Variants in IQCM observed in about 807,000 individuals in gnomAD.
IQCM encodes IQ domain-containing protein M.
In IQCM, 45 loss-of-function variants were observed where a neutral mutation model predicts 57.6. The ratio of observed to expected loss-of-function variants is 0.78; its 90% CI spans 0.62 to 1.00. The LOEUF is 1.00. Ranked by LOEUF, IQCM falls within the 50% of genes least tolerant of loss-of-function variation. The pLI, the probability that IQCM is intolerant of heterozygous loss-of-function variation, is 0.00. For missense variants in IQCM, 468 were observed against 511.6 expected (o/e 0.91, Z 0.82); for synonymous variants, 148 against 158.9 (o/e 0.93, Z 0.51).
At chr4:149,378,131 A>T (rs1730820484) in intron 13 of IQCM, among the ~76,000 whole-genome samples, 1 of 152,128 alleles carries the variant, frequency 6.6e-6, no homozygotes, top group Non-Finnish European at 1.5e-5. Flanking sequence ...TGTGCCTTTC[A>T]TCTTCTGTCA....
intron 7 of IQCM, among the ~76,000 whole-genome samples, chr4:149,647,962 T>G (rs1758793362): frequency 6.6e-6 from 1 of 152,206 alleles, no homozygotes; most frequent in South Asian, 2.1e-4. Context: ...CTGTGTTGCA[T>G]TCTGGATAAT....
At chr4:149,406,825 C>T (rs530754236) in intron 13 of IQCM, among the ~76,000 whole-genome samples, 121 of 152,198 alleles carry the variant, frequency 8.0e-4, no homozygotes, top group South Asian at 2.7e-3. Flanking sequence ...TCTGTTTTCA[C>T]GCTGCTGATA....
chr4:149,590,181 C>G (rs1752995613), intron 8 of IQCM, among the ~76,000 whole-genome samples: 1 of 151,124 alleles, frequency 6.6e-6, no homozygotes, highest in African/African-American at 2.4e-5. Context: ...AACTTCACTG[C>G]CTTTGCAACC....
intron 2 of IQCM, among the ~76,000 whole-genome samples, chr4:149,764,828 G>T (rs181869667): frequency 3.3e-5 from 5 of 152,168 alleles, no homozygotes; most frequent in South Asian, 2.1e-4. Context: ...CTCTGGTCAG[G>T]TATGGTATGG....
intron 13 of IQCM, among the ~76,000 whole-genome samples, chr4:149,385,601 T>A (rs1731370647): frequency 6.6e-6 from 1 of 152,118 alleles, no homozygotes; most frequent in African/African-American, 2.4e-5. Context: ...GACAAATCTA[T>A]CATGCTTGAC....
chr4:149,503,283 C>G (rs906381454), intron 12 of IQCM, among the ~76,000 whole-genome samples: 4 of 151,988 alleles, frequency 2.6e-5, no homozygotes, highest in Admixed American at 2.6e-4. Context: ...CTTTTCTGAC[C>G]TATAGAAATG....
intron 9 of IQCM, among the ~76,000 whole-genome samples, chr4:149,576,622 C>T (rs1385906276): frequency 6.6e-6 from 1 of 151,936 alleles, no homozygotes; most frequent in Non-Finnish European, 1.5e-5. Flanking sequence ...ATATGTACCA[C>T]ATTTTCTTTA....
At chr4:149,667,701 G>A (rs937076329) in intron 7 of IQCM, among the ~76,000 whole-genome samples, 1 of 151,976 alleles carries the variant, frequency 6.6e-6, no homozygotes, top group Admixed American at 6.6e-5. Flanking sequence ...TACAGGAATT[G>A]CTAACTAGTA....
At chr4:149,361,291 G>T (rs1336253709) in intron 13 of IQCM, among the ~76,000 whole-genome samples, 1 of 152,170 alleles carries the variant, frequency 6.6e-6, no homozygotes, top group Non-Finnish European at 1.5e-5. Context: ...GCCTGAGTAT[G>T]CAATAGAAAA....
At chr4:149,451,925 A>G (rs1158556697) in intron 12 of IQCM, among the ~76,000 whole-genome samples, 1 of 151,756 alleles carries the variant, frequency 6.6e-6, no homozygotes, top group Non-Finnish European at 1.5e-5. Context: ...AAGCAATAAA[A>G]CTGTCTTTAC....
In IQCM at chr4:149,662,114, G is replaced by C. The variant is rs182300827; in HGVS notation, c.565+20004C>G. ...ACTCTGATATAACTGCTTTTGCTATGTCCCGTGGGTTTTGGTATGATGTGT... is the reference window on the plus strand; with the variant it reads ...ACTCTGATATAACTGCTTTTGCTATCTCCCGTGGGTTTTGGTATGATGTGT... On this transcript the variant is annotated intron_variant, in intron 7 of 13. Transcript: ENST00000636793. Among the ~76,000 whole-genome samples, 287 of 152,020 alleles carry C rather than the reference G, an allele frequency of 1.9e-3. 7 individuals carry two copies. Among genetic ancestry groups the C allele is most frequent in the Admixed American group, 0.019 (285 of 15,256 alleles).
At chr4:149,489,748 T>C (rs1043780375) in intron 12 of IQCM, among the ~76,000 whole-genome samples, 7 of 151,782 alleles carry the variant, frequency 4.6e-5, no homozygotes, top group African/African-American at 1.7e-4. Context: ...CAAGGATATC[T>C]CTATAATTCA....
chr4:149,354,363 C>CAAAA (rs70965178), intron 13 of IQCM, among the ~76,000 whole-genome samples: 6 of 20,260 alleles, frequency 3.0e-4, no homozygotes, highest in African/African-American at 6.2e-4. Flanking sequence ...GACTCCGTCT[C>CAAAA]AAAAAAAAAA....
intron 2 of IQCM, among the ~76,000 whole-genome samples, chr4:149,780,688 G>A (rs1258506496): frequency 6.6e-6 from 1 of 151,970 alleles, no homozygotes; most frequent in Non-Finnish European, 1.5e-5. Flanking sequence ...ATTTCTTCAG[G>A]GCAGGGGTGG....
At chr4:149,518,749 G>A (rs1745261365) in intron 12 of IQCM, among the ~76,000 whole-genome samples, 1 of 152,144 alleles carries the variant, frequency 6.6e-6, no homozygotes, top group African/African-American at 2.4e-5. Flanking sequence ...TTGTAAAGGT[G>A]AAAAGAGAGT....
chr4:149,490,671 T>C (rs1281400665), intron 12 of IQCM, among the ~76,000 whole-genome samples: 1 of 152,080 alleles, frequency 6.6e-6, no homozygotes, highest in Non-Finnish European at 1.5e-5. Flanking sequence ...TTCCTCATGG[T>C]CCAACACAAG....
intron 13 of IQCM, among the ~76,000 whole-genome samples, chr4:149,388,330 T>TATTCATCATGGATATATGAATAC (rs1267583417): frequency 6.6e-6 from 1 of 151,508 alleles, no homozygotes; most frequent in African/African-American, 2.4e-5. Context: ...TTTCTCCATA[T>TATTCATCATGGATATATGAATAC]ATTCATCATG....
At chr4:149,539,391 G>A (rs1358259065) in intron 12 of IQCM, among the ~76,000 whole-genome samples, 1 of 152,162 alleles carries the variant, frequency 6.6e-6, no homozygotes, top group Admixed American at 6.5e-5. Context: ...CTGGGGGTAA[G>A]AGTAGGGATT....
chr4:149,448,499 G>A (rs756149517), intron 12 of IQCM, among the ~76,000 whole-genome samples: 3 of 151,168 alleles, frequency 2.0e-5, no homozygotes, highest in Admixed American at 6.6e-5. Context: ...AAAAAATACA[G>A]ATCAGAGGAG....
Sources: allele counts gnomAD v4.1 joint callset (sites outside exome capture counted in the v4.1 genomes callset), GRCh38; gene constraint gnomAD v4.1.1; transcripts MANE v1.5; gene names NCBI Gene and HGNC (gene_info 2026-07-23, HGNC 2026-07-21).